NLGN1: variants seen among roughly 807,000 people sequenced by gnomAD.
NLGN1 encodes neuroligin-1.
Under a neutral mutation model 65.5 loss-of-function variants are expected in NLGN1, and 12 were observed. The observed-to-expected ratio is 0.18, with a 90% CI of 0.12 to 0.30. The LOEUF is 0.30. Among genes scored for constraint, NLGN1 ranks in the 10% least tolerant of loss-of-function variants. The pLI, the probability that NLGN1 is intolerant of heterozygous loss-of-function variation, is 1.00. For synonymous variants in NLGN1, 350 were observed against 359.5 expected (o/e 0.97, Z 0.30); for missense variants, 750 against 1,007.1 (o/e 0.74, Z 3.46).
intron 4 of NLGN1, among the ~76,000 whole-genome samples, chr3:174,133,541 G>T (rs1006180): frequency 6.6e-6 from 1 of 151,960 alleles, no homozygotes; most frequent in African/African-American, 2.4e-5. Context: ...TGTTGGGAAG[G>T]GGGTAGACAG....
intron 4 of NLGN1, among the ~76,000 whole-genome samples, chr3:174,044,142 C>T (rs1732988829): frequency 6.6e-6 from 1 of 152,128 alleles, no homozygotes; most frequent in African/African-American, 2.4e-5. Context: ...AGTCCTGAGA[C>T]TACACACACC....
intron 2 of NLGN1, among the ~76,000 whole-genome samples, chr3:173,546,393 G>A (rs747153346): frequency 1.2e-4 from 18 of 152,098 alleles, no homozygotes; most frequent in Non-Finnish European, 2.5e-4. Flanking sequence ...TGTTTTGTCT[G>A]TTGAGGTCCC....
At chr3:173,849,295 G>A (rs914656670) in intron 4 of NLGN1, among the ~76,000 whole-genome samples, 11 of 151,940 alleles carry the variant, frequency 7.2e-5, no homozygotes, top group African/African-American at 2.7e-4. Flanking sequence ...ATATTGGTTA[G>A]TCACCTTTCT....
intron 3 of NLGN1, among the ~76,000 whole-genome samples, chr3:173,710,697 C>T (rs1768813810): frequency 6.6e-6 from 1 of 152,114 alleles, no homozygotes; most frequent in Non-Finnish European, 1.5e-5. Flanking sequence ...TTTTCATTAA[C>T]TGAGAATCTT....
intron 3 of NLGN1, among the ~76,000 whole-genome samples, chr3:173,700,281 T>G (rs540676063): frequency 6.6e-6 from 1 of 152,322 alleles, no homozygotes; most frequent in East Asian, 1.9e-4. Context: ...TGGAAAAATA[T>G]AAGATAATTT....
rs7610169 is a variant in NLGN1, at chr3:173,534,498, T to G, written c.-320-69781T>G. 4.2e-3 allele frequency among the ~76,000 whole-genome samples: 633 copies of G among 152,314 alleles called. 4 individuals carry two copies. Among genetic ancestry groups the G allele is most frequent in the African/African-American group, 0.014 (596 of 41,568 alleles). On this transcript the variant is annotated intron_variant, in intron 2 of 6. Transcript: ENST00000457714. ...TCTTCCCCCCATGGCACTTTGCTTA[T>G]GCCGGTTTCATGGCAATTATTACAT...
At position 173,416,539 on chromosome 3, in the gene NLGN1, G is replaced by A. The variant is rs78513955; in HGVS notation, c.-390+18052G>A. On this transcript the variant is annotated intron_variant, in intron 1 of 6. Transcript: ENST00000457714. The stretch of plus-strand genomic sequence containing the variant: ...TGCTTTCTATTTTCTAAAAGACTCC[G>A]TGTTTCAGTTAGTTCAGAAAATATT... Among the ~76,000 whole-genome samples, 491 of 152,214 alleles carry A rather than the reference G, an allele frequency of 3.2e-3. 3 individuals are homozygous for A. Among genetic ancestry groups the A allele is most frequent in the African/African-American group, 0.011 (469 of 41,532 alleles).
chr3:174,004,375 G>A (rs1723935753), intron 4 of NLGN1, among the ~76,000 whole-genome samples: 1 of 151,818 alleles, frequency 6.6e-6, no homozygotes, highest in Admixed American at 6.6e-5. Flanking sequence ...ATTTATAGTA[G>A]CTTGTTAGTA....
At chr3:173,561,870 G>T (rs1229096752) in intron 2 of NLGN1, among the ~76,000 whole-genome samples, 2 of 152,142 alleles carry the variant, frequency 1.3e-5, no homozygotes, top group Non-Finnish European at 2.9e-5. Context: ...ACATTAACAG[G>T]TATAGTACAA....
chr3:174,050,524 AAAAAT>A (rs139910546), intron 4 of NLGN1, among the ~76,000 whole-genome samples: 21,774 of 151,996 alleles, frequency 0.14, 1,787 homozygotes, highest in African/African-American at 0.24. Context: ...AAGCCACTGA[AAAAAT>A]AATAATTAAA....
intron 2 of NLGN1, among the ~76,000 whole-genome samples, chr3:173,540,781 G>C (rs1560409727): frequency 6.6e-6 from 1 of 152,112 alleles, no homozygotes; most frequent in Non-Finnish European, 1.5e-5. Flanking sequence ...AACTACTCCT[G>C]CTTCTGTGTT....
At chr3:174,208,217 CAG>C (rs1363862121) in intron 4 of NLGN1, among the ~76,000 whole-genome samples, 1 of 152,176 alleles carries the variant, frequency 6.6e-6, no homozygotes, top group African/African-American at 2.4e-5. Flanking sequence ...CCATTTCAAA[CAG>C]AGAATCATCT....
intron 4 of NLGN1, among the ~76,000 whole-genome samples, chr3:173,822,833 T>G (rs1325769014): frequency 6.6e-6 from 1 of 152,096 alleles, no homozygotes; most frequent in East Asian, 1.9e-4. Context: ...AAAGCCAAAT[T>G]TTTGTTTTCT....
At chr3:173,437,803 A>ACACACACACACAGATG (rs1560251455) in intron 2 of NLGN1, among the ~76,000 whole-genome samples, 205 of 151,862 alleles carry the variant, frequency 1.3e-3, no homozygotes, top group African/African-American at 4.7e-3. Context: ...ACACACAGAT[A>ACACACACACACAGATG]TGCACACACA....
intron 4 of NLGN1, among the ~76,000 whole-genome samples, chr3:173,943,206 G>GA: frequency 6.7e-6 from 1 of 150,334 alleles, no homozygotes; most frequent in Admixed American, 6.6e-5. Context: ...CAGCCTGGGG[G>GA]ACAGAAGACC....
At chr3:173,530,250 C>T (rs951507274) in intron 2 of NLGN1, among the ~76,000 whole-genome samples, 50 of 152,168 alleles carry the variant, frequency 3.3e-4, no homozygotes, top group Non-Finnish European at 4.4e-4. Context: ...CCACCATGCC[C>T]GACCTTATGG....
intron 2 of NLGN1, among the ~76,000 whole-genome samples, chr3:173,478,827 A>G (rs1726736105): frequency 6.6e-6 from 1 of 151,982 alleles, no homozygotes; most frequent in Non-Finnish European, 1.5e-5. Context: ...CAGAGGTTGC[A>G]GTGAGCTGAG....
chr3:174,054,822 A>G (rs1735692370), intron 4 of NLGN1, among the ~76,000 whole-genome samples: 1 of 152,028 alleles, frequency 6.6e-6, no homozygotes, highest in Non-Finnish European at 1.5e-5. Context: ...ATTTCTGTGC[A>G]TAGTCTGACA....
intron 4 of NLGN1, among the ~76,000 whole-genome samples, chr3:173,867,834 A>G (rs1344321934): frequency 1.3e-5 from 2 of 152,134 alleles, no homozygotes; most frequent in Non-Finnish European, 2.9e-5. Context: ...CTAAAAATAA[A>G]TGAATGTATA....
Sources: allele counts gnomAD v4.1 joint callset (sites outside exome capture counted in the v4.1 genomes callset), GRCh38; gene constraint gnomAD v4.1.1; transcripts MANE v1.5; gene names NCBI Gene and HGNC (gene_info 2026-07-23, HGNC 2026-07-21).